Variants in ACOT7 observed in about 807,000 individuals in gnomAD.
The protein encoded by ACOT7 is acyl-CoA thioesterase 7.
Under a neutral mutation model 40.2 loss-of-function variants are expected in ACOT7, and 12 were observed. That is an observed-to-expected ratio of 0.30 (90% CI 0.19 to 0.48). The LOEUF (loss-of-function observed/expected upper bound fraction) is 0.48. ACOT7 is among the 20% of genes least tolerant of loss of function. The pLI is 0.99. For missense variants in ACOT7, 395 were observed against 530.8 expected, an observed-to-expected ratio of 0.74 and a Z score of 2.51; for synonymous variants, 228 against 219.5, an observed-to-expected ratio of 1.04 and a Z score of -0.34.
chr1:6,298,624 A>G (rs1365229605), intron 6 of ACOT7, among the ~76,000 whole-genome samples: 2 of 152,208 alleles, frequency 1.3e-5, no homozygotes, highest in Non-Finnish European at 2.9e-5. Flanking sequence ...GGTGCCAGGC[A>G]GGGCAGGGCA....
intron 1 of ACOT7, among the ~76,000 whole-genome samples, chr1:6,377,427 T>C (rs1308495529): frequency 4.6e-5 from 7 of 152,100 alleles, no homozygotes; most frequent in Non-Finnish European, 1.0e-4. Flanking sequence ...TGGAAGCAAT[T>C]AAATGCAAAA....
chr1:6,304,414 AT>A (rs1287049512), intron 6 of ACOT7, among the ~76,000 whole-genome samples: 2 of 129,568 alleles, frequency 1.5e-5, no homozygotes, highest in Non-Finnish European at 3.3e-5. Flanking sequence ...TTTTTTTTTA[AT>A]TGATAATTCT....
At chr1:6,308,571 CCAGAGGGAACTACAACTGGG>C (rs1372985749) in intron 6 of ACOT7, among the ~76,000 whole-genome samples, 4 of 144,448 alleles carry the variant, frequency 2.8e-5, no homozygotes, top group African/African-American at 5.2e-5. Context: ...GGAACAGCAA[CCAGAGGGAACTACAACTGGG>C]CAGAGGGAAC....
chr1:6,371,524 A>G (rs1642134001), intron 1 of ACOT7, among the ~76,000 whole-genome samples: 2 of 151,662 alleles, frequency 1.3e-5, no homozygotes, highest in Admixed American at 6.6e-5. Flanking sequence ...CACCACACTC[A>G]GCTAATTTTT....
At chr1:6,302,549 A>T (rs1640001944) in intron 6 of ACOT7, among the ~76,000 whole-genome samples, 1 of 152,102 alleles carries the variant, frequency 6.6e-6, no homozygotes, top group African/African-American at 2.4e-5. Flanking sequence ...TGTTTTCACA[A>T]ATGCACTTTT....
At chr1:6,383,211 G>A (rs928726949) in intron 1 of ACOT7, among the ~76,000 whole-genome samples, 2 of 140,122 alleles carry the variant, frequency 1.4e-5, no homozygotes, top group Admixed American at 7.2e-5. Flanking sequence ...TTTTTGAGAC[G>A]GAGTCTTGCT....
chr1:6,324,175 C>T (rs780154189), intron 5 of ACOT7, among the ~76,000 whole-genome samples: 3 of 152,050 alleles, frequency 2.0e-5, no homozygotes, highest in African/African-American at 4.8e-5. Flanking sequence ...CCCGAGGGTA[C>T]CGGGAAGCCA....
rs1256108705 is a variant in ACOT7 at position 6,385,652 on chromosome 1, G to A, written c.143+7605C>T. The A allele has an allele frequency of 4.3e-6, 7 of 1,611,930 alleles. No individual in the cohort carries two copies. The South Asian group carries it at 6.6e-5, about 15-fold the overall frequency. ...CAAACTCACAGAGCCGGAGAGCCCT[G>A]GCAAGCAGCTTCATCCTGCGGTAAG... On this transcript the variant is annotated intron_variant, in intron 1 of 8. Coordinates refer to ENST00000361521, the MANE Select transcript of ACOT7 (RefSeq NM_007274.4).
At chr1:6,302,647 A>G (rs1291663908) in intron 6 of ACOT7, among the ~76,000 whole-genome samples, 1 of 152,148 alleles carries the variant, frequency 6.6e-6, no homozygotes, top group African/African-American at 2.4e-5. Flanking sequence ...AGAGGGAAGG[A>G]AAGTGATCTC....
chr1:6,390,739 C>G (rs1399421955), intron 1 of ACOT7, among the ~76,000 whole-genome samples: 10 of 149,254 alleles, frequency 6.7e-5, no homozygotes, highest in Admixed American at 6.7e-4. Flanking sequence ...AGTTCAAGAC[C>G]AGCCTGGCCA....
chr1:6,349,622 C>G (rs1424017762), intron 2 of ACOT7, 127 bp downstream of exon 2: 1 of 929,644 alleles, frequency 1.1e-6, no homozygotes, highest in African/African-American at 1.6e-5. Flanking sequence ...CCACTTCTCC[C>G]ACAGTTCCCA....
chr1:6,332,828 CA>C (rs200359956), intron 4 of ACOT7, among the ~76,000 whole-genome samples: 4,066 of 140,786 alleles, frequency 0.029, 196 homozygotes, highest in African/African-American at 0.11. Context: ...CTCAAAAAAA[CA>C]AAAAAAAACA....
At chr1:6,340,779 TAATTCCAGAA>T (rs1641254752) in intron 2 of ACOT7, among the ~76,000 whole-genome samples, 2 of 152,086 alleles carry the variant, frequency 1.3e-5, no homozygotes, top group Admixed American at 1.3e-4. Context: ...CTCATGACTA[TAATTCCAGAA>T]CTTTGGGAGG....
At chr1:6,271,156 C>T (rs1326212130) in intron 8 of ACOT7, among the ~76,000 whole-genome samples, 1 of 152,218 alleles carries the variant, frequency 6.6e-6, no homozygotes, top group Non-Finnish European at 1.5e-5. Flanking sequence ...GCTTTCAGAG[C>T]CAAGTGCTGC....
At chr1:6,337,493 A>G (rs988708932) in intron 3 of ACOT7, among the ~76,000 whole-genome samples, 1 of 152,104 alleles carries the variant, frequency 6.6e-6, no homozygotes, top group Non-Finnish European at 1.5e-5. Context: ...CTCATCCACT[A>G]TCGGTTCCAT....
rs560920031 is a variant in ACOT7, at chr1:6,352,839, TAA to T, written c.144-2975_144-2974del. ...ACCTCGTTCGTGATCCCATTTCTAATAAAGACACGGGTACCGAAAGCACTTCA... is the reference window on the plus strand; with the variant it reads ...ACCTCGTTCGTGATCCCATTTCTAATAGACACGGGTACCGAAAGCACTTCA... On this transcript the variant is annotated intron_variant, in intron 1 of 8. Coordinates refer to ENST00000361521, the MANE Select transcript of ACOT7 (RefSeq NM_007274.4). The surrounding 1 kb of genome is among the most constrained non-coding windows in gnomAD (Gnocchi z 4.5). Among the ~76,000 whole-genome samples, 787 of 152,080 alleles carry T rather than the reference TAA, an allele frequency of 5.2e-3. 6 individuals are homozygous for T. Among genetic ancestry groups the T allele is most frequent in the Non-Finnish European group, 6.9e-3 (467 of 67,988 alleles).
intron 2 of ACOT7, among the ~76,000 whole-genome samples, chr1:6,346,786 G>A (rs1006881142): frequency 1.3e-5 from 2 of 152,102 alleles, no homozygotes; most frequent in African/African-American, 4.8e-5. Context: ...AAGTGGGGGT[G>A]GGCCTGGGGG....
At chr1:6,286,820 T>G (rs1258647323) in intron 7 of ACOT7, among the ~76,000 whole-genome samples, 1 of 152,228 alleles carries the variant, frequency 6.6e-6, no homozygotes, top group African/African-American at 2.4e-5. Flanking sequence ...TGATGTCAAC[T>G]GCCCGCATTC....
rs1640340720 is a variant in ACOT7 at position 6,311,853 on chromosome 1, T to G, written c.712+6639A>C. On this transcript the variant is annotated intron_variant, in intron 6 of 8. Transcript: ENST00000361521. This position sits in a 1 kb window ranked among gnomAD's most constrained non-coding sequence, Gnocchi z 5.2. Reference sequence around the variant, plus strand: ...CCCCAGCCTGTCCCCGAGAATTCCCTGGGGAGCTTGGGACACTACAGCTCC... The same window carrying G: ...CCCCAGCCTGTCCCCGAGAATTCCCGGGGGAGCTTGGGACACTACAGCTCC... 6.6e-6 allele frequency among the ~76,000 whole-genome samples: 1 copy of G among 152,032 alleles called. No homozygotes were observed.
Sources: gnomAD v4.1 joint callset for allele counts (sites outside exome capture counted in the v4.1 genomes callset) on GRCh38, gnomAD v4.1.1 for gene constraint, Gnocchi (gnomAD v3.1) non-coding constraint, MANE v1.5 for transcripts, NCBI Gene and HGNC (gene_info 2026-07-23, HGNC 2026-07-21) for gene names.